PPP2R3A: variants seen among roughly 807,000 people sequenced by gnomAD.
PPP2R3A encodes the protein serine/threonine-protein phosphatase 2A regulatory subunit B'' subunit alpha.
A neutral mutation model predicts 106.9 loss-of-function variants in PPP2R3A; 80 were observed. The observed-to-expected ratio is 0.75, with a 90% CI of 0.62 to 0.90. The LOEUF (loss-of-function observed/expected upper bound fraction) is 0.90. PPP2R3A is among the 40% of genes least tolerant of loss of function. The pLI is 0.00. For synonymous variants in PPP2R3A, 483 were observed against 468.3 expected (o/e 1.03, Z -0.41); for missense variants, 1,386 against 1,350.4 (o/e 1.03, Z -0.41).
At chr3:135,984,257 T>C (rs1458461498) in intron 1 of PPP2R3A, among the ~76,000 whole-genome samples, 2 of 152,200 alleles carry the variant, frequency 1.3e-5, no homozygotes, top group Non-Finnish European at 2.9e-5. Context: ...AATATAGACA[T>C]AGTATATGAC....
intron 4 of PPP2R3A, among the ~76,000 whole-genome samples, chr3:136,046,154 G>A (rs771770501): frequency 6.6e-6 from 1 of 151,702 alleles, no homozygotes; most frequent in Non-Finnish European, 1.5e-5. Flanking sequence ...TCCAGCCTTG[G>A]TGACAGAGCC....
chr3:136,143,033 A>G (rs1362026648), intron 13 of PPP2R3A, among the ~76,000 whole-genome samples: 1 of 152,224 alleles, frequency 6.6e-6, no homozygotes, highest in Non-Finnish European at 1.5e-5. Flanking sequence ...TTGAGGCCTC[A>G]AGGAGATGGG....
chr3:136,022,923 C>A (rs1479638684), intron 2 of PPP2R3A: 3 of 1,458,722 alleles, frequency 2.1e-6, no homozygotes, highest in Non-Finnish European at 2.7e-6. Context: ...TCTGTGGAGG[C>A]TGGGAGAGCA....
chr3:135,993,649 T>G (rs1439574092), intron 1 of PPP2R3A, among the ~76,000 whole-genome samples: 1 of 152,270 alleles, frequency 6.6e-6, no homozygotes. Flanking sequence ...GTCCATCAGC[T>G]GTATGAATAT....
chr3:136,099,883 A>G (rs1026552807), intron 10 of PPP2R3A, among the ~76,000 whole-genome samples: 3 of 151,534 alleles, frequency 2.0e-5, no homozygotes, highest in African/African-American at 7.3e-5. Flanking sequence ...TAGCTATACC[A>G]TTACTGGGCT....
intron 3 of PPP2R3A, among the ~76,000 whole-genome samples, chr3:136,028,638 G>T (rs1351828706): frequency 1.3e-5 from 2 of 152,168 alleles, no homozygotes; most frequent in African/African-American, 4.8e-5. Context: ...GTTCTTTAAG[G>T]CATTCAGGGT....
Position 136,002,000 on chromosome 3 carries a change from G to T in PPP2R3A, c.502G>T (p.Asp168Tyr). 6.2e-7 allele frequency: 1 copy of T among 1,614,146 alleles called. No individual in the cohort carries two copies. Among genetic ancestry groups the T allele is most frequent in the South Asian group, 1.1e-5 (1 of 91,066 alleles). Residue 168 changes from aspartate to tyrosine, a missense_variant, in exon 2 of 14, where the codon GAT (aspartate) becomes TAT (tyrosine). Asp to Tyr is a radical substitution (Grantham distance 160, BLOSUM62 -3). Coordinates refer to ENST00000264977, the MANE Select transcript of PPP2R3A (RefSeq NM_002718.5). ...CTTGCTTTGTGGCCATTATAACAACGATGGGAACGCCCCATCCTTTGGTTT... is the reference window on the plus strand; with the variant it reads ...CTTGCTTTGTGGCCATTATAACAACTATGGGAACGCCCCATCCTTTGGTTT... ...LDLLCGHYNN[D>Y]GNAPSFGLLR...
At chr3:136,107,618 C>T (rs1357276969) in intron 13 of PPP2R3A, among the ~76,000 whole-genome samples, 2 of 152,082 alleles carry the variant, frequency 1.3e-5, no homozygotes, top group African/African-American at 4.8e-5. Context: ...TATACCTCTA[C>T]CATTCATTAA....
chr3:136,022,847 C>A, intron 2 of PPP2R3A: 1 of 1,315,876 alleles, frequency 7.6e-7, no homozygotes. Context: ...AAATTATGAG[C>A]AGGTATTGGG....
intron 13 of PPP2R3A, among the ~76,000 whole-genome samples, chr3:136,126,424 A>T (rs1938184997): frequency 6.6e-6 from 1 of 152,190 alleles, no homozygotes; most frequent in South Asian, 2.1e-4. Flanking sequence ...GGGGAGGGTT[A>T]TCCGCCATTC....
intron 6 of PPP2R3A, among the ~76,000 whole-genome samples, chr3:136,071,765 C>T (rs180867628): frequency 7.4e-4 from 113 of 152,268 alleles, no homozygotes; most frequent in African/African-American, 2.6e-3. Flanking sequence ...CCTGGCAACC[C>T]CTATTCTCTC....
chr3:136,013,036 A>C (rs1934136097), intron 2 of PPP2R3A, among the ~76,000 whole-genome samples: 1 of 152,162 alleles, frequency 6.6e-6, no homozygotes, highest in Non-Finnish European at 1.5e-5. Context: ...TATAAGTGAG[A>C]ACATACGAGT....
intron 2 of PPP2R3A, among the ~76,000 whole-genome samples, chr3:136,024,925 TTAGCA>T (rs1241594376): frequency 1.3e-5 from 2 of 152,182 alleles, no homozygotes; most frequent in Non-Finnish European, 2.9e-5. Flanking sequence ...ATTTACAGAT[TTAGCA>T]TTAAGGCAGA....
At chr3:136,129,685 G>A (rs929461411) in intron 13 of PPP2R3A, among the ~76,000 whole-genome samples, 3 of 152,148 alleles carry the variant, frequency 2.0e-5, no homozygotes, top group Non-Finnish European at 4.4e-5. Context: ...GCATCATCCT[G>A]ATGCCAAAGC....
At chr3:136,067,751 T>A (rs573737405) in intron 5 of PPP2R3A, among the ~76,000 whole-genome samples, 14 of 152,304 alleles carry the variant, frequency 9.2e-5, no homozygotes. Flanking sequence ...GAAATACTAT[T>A]CTAGTAGTAA....
intron 13 of PPP2R3A, among the ~76,000 whole-genome samples, chr3:136,114,851 G>C (rs754898359): frequency 6.6e-6 from 1 of 152,130 alleles, no homozygotes; most frequent in Non-Finnish European, 1.5e-5. Flanking sequence ...AACTGTGGGC[G>C]CAGCTTCAAA....
chr3:136,042,870 G>A (rs1343358233), intron 4 of PPP2R3A, among the ~76,000 whole-genome samples: 1 of 152,136 alleles, frequency 6.6e-6, no homozygotes, highest in Non-Finnish European at 1.5e-5. Context: ...CAGGGTGCTT[G>A]AAGGGAGCCC....
Position 136,002,461 on chromosome 3 carries a change from C to T in PPP2R3A, c.963C>T (p.Pro321=), listed in dbSNP as rs1421699503. Reference sequence around the variant, plus strand: ...ATATGCCTAGCTTACAACTGACTCCCTTCTCCCCAGTGTTTGGCACTGAAC... The same window carrying T: ...ATATGCCTAGCTTACAACTGACTCCTTTCTCCCCAGTGTTTGGCACTGAAC... ...ISNMPSLQLT[P]FSPVFGTEQP... The change falls in exon 2 of 14, where the codon CCC becomes CCT. Residue 321 remains proline (P), a synonymous_variant. Coordinates refer to ENST00000264977, the MANE Select transcript of PPP2R3A (RefSeq NM_002718.5). 6.8e-6 allele frequency: 11 copies of T among 1,613,922 alleles called. No individual in the cohort carries two copies. The highest frequency in any genetic ancestry group is 5.3e-5 in the African/African-American group (4 of 74,912).
At chr3:136,103,617 C>T (rs926915039) in intron 12 of PPP2R3A, among the ~76,000 whole-genome samples, 6 of 152,156 alleles carry the variant, frequency 3.9e-5, no homozygotes, top group East Asian at 1.9e-4. Flanking sequence ...CTCTATAGCT[C>T]ATCTACTGAT....
Sources: gnomAD v4.1 joint callset for allele counts (sites outside exome capture counted in the v4.1 genomes callset) on GRCh38, gnomAD v4.1.1 for gene constraint, MANE v1.5 for transcripts, NCBI Gene and HGNC (gene_info 2026-07-23, HGNC 2026-07-21) for gene names.